The following PRUNE2 variants were observed in gnomAD, a reference collection of about 807,000 sequenced individuals.
The protein encoded by PRUNE2 is protein prune homolog 2.
A neutral mutation model predicts 252.0 loss-of-function variants in PRUNE2; 164 were observed. The ratio of observed to expected loss-of-function variants is 0.65; its 90% CI spans 0.57 to 0.74. The LOEUF is 0.74. Ranked by LOEUF, PRUNE2 falls within the 30% of genes least tolerant of loss-of-function variation. The pLI is 0.00. For missense variants in PRUNE2, 3,495 were observed against 3,711.0 expected (o/e 0.94, Z 1.51); for synonymous variants, 1,292 against 1,350.2 (o/e 0.96, Z 0.94).
chr9:76,630,880 G>A (rs2132383956), intron 15 of PRUNE2, among the ~76,000 whole-genome samples: 1 of 152,246 alleles, frequency 6.6e-6, no homozygotes, highest in Middle Eastern at 3.4e-3. Flanking sequence ...TATATCCAAG[G>A]GTCTAACATT....
At chr9:76,649,193 C>T (rs1404081581) in intron 11 of PRUNE2, among the ~76,000 whole-genome samples, 2 of 152,174 alleles carry the variant, frequency 1.3e-5, no homozygotes, top group African/African-American at 4.8e-5. Flanking sequence ...GGAATACAGA[C>T]ATGCTTCATG....
chr9:76,807,780 G>A (rs965297814), intron 6 of PRUNE2, among the ~76,000 whole-genome samples: 1 of 152,156 alleles, frequency 6.6e-6, no homozygotes, highest in South Asian at 2.1e-4. Context: ...TTACAATTAG[G>A]GAGAATTAAC....
In PRUNE2 at chr9:76,710,443, T is replaced by C. The variant is rs1194106800; in HGVS notation, c.1831A>G (p.Thr611Ala). 6.2e-7 allele frequency: 1 copy of C among 1,613,852 alleles called. No individual in the cohort carries two copies. Among genetic ancestry groups the C allele is most frequent in the Admixed American group, 1.7e-5 (1 of 59,992 alleles). Residue 611 changes from threonine (T) to alanine (A), a missense_variant, in exon 8 of 19, where the codon ACA becomes GCA. Transcript: ENST00000376718. ...CTTTCTACTAAACTATTCATGGGTG[T>C]TGGTGGGATCCTCTTTCCAGTATTT... Reference protein sequence around the residue: ...LKNTGKRIPPTPMNSLVESSP... With the variant: ...LKNTGKRIPPAPMNSLVESSP...
intron 9 of PRUNE2, among the ~76,000 whole-genome samples, chr9:76,685,112 G>A (rs1446633021): frequency 6.6e-6 from 1 of 152,200 alleles, no homozygotes; most frequent in African/African-American, 2.4e-5. Flanking sequence ...TTAAGACTCA[G>A]CTTCCTTATC....
At chr9:76,619,775 C>T (rs1216213330) in intron 17 of PRUNE2, among the ~76,000 whole-genome samples, 2 of 152,174 alleles carry the variant, frequency 1.3e-5, no homozygotes, top group Non-Finnish European at 2.9e-5. Flanking sequence ...CCCATGAACA[C>T]AGTTAATTTT....
chr9:76,669,346 T>C (rs1415344499), intron 9 of PRUNE2, among the ~76,000 whole-genome samples: 1 of 151,964 alleles, frequency 6.6e-6, no homozygotes, highest in African/African-American at 2.4e-5. Flanking sequence ...TGAGATGAAG[T>C]TTCACTCTTG....
chr9:76,769,754 T>C (rs963888484), intron 6 of PRUNE2, among the ~76,000 whole-genome samples: 3 of 152,178 alleles, frequency 2.0e-5, no homozygotes, highest in African/African-American at 7.2e-5. Flanking sequence ...TGTATTTCTG[T>C]AGGAGAGCTT....
At chr9:76,677,061 T>C (rs925573451) in intron 9 of PRUNE2, among the ~76,000 whole-genome samples, 2 of 152,258 alleles carry the variant, frequency 1.3e-5, no homozygotes, top group African/African-American at 2.4e-5. Flanking sequence ...GCAGTTGCTG[T>C]ATATAGCTTG....
At chr9:76,644,187 G>A (rs1212155130) in intron 12 of PRUNE2, among the ~76,000 whole-genome samples, 1 of 152,136 alleles carries the variant, frequency 6.6e-6, no homozygotes, top group Admixed American at 6.5e-5. Flanking sequence ...CACCAAACAG[G>A]TGGAGGCTTT....
intron 1 of PRUNE2, among the ~76,000 whole-genome samples, chr9:76,871,407 A>G (rs2061189621): frequency 6.6e-6 from 1 of 152,190 alleles, no homozygotes; most frequent in Admixed American, 6.5e-5. Flanking sequence ...CAAGGACTTG[A>G]GCATCCACAG....
chr9:76,756,110 T>C (rs570325395), intron 6 of PRUNE2, among the ~76,000 whole-genome samples: 1 of 152,300 alleles, frequency 6.6e-6, no homozygotes, highest in African/African-American at 2.4e-5. Flanking sequence ...TGAAAGTAGA[T>C]GAAAAATATT....
rs28688470 is a variant in PRUNE2 at position 76,776,893 on chromosome 9, T to C, written c.756+46739A>G. Reference sequence around the variant, plus strand: ...GTTTCTTTCTCATTACCAAAACACATACACACACACACACACACACACACA... The same window carrying C: ...GTTTCTTTCTCATTACCAAAACACACACACACACACACACACACACACACA... On this transcript the variant is annotated intron_variant, in intron 6 of 18. Coordinates refer to ENST00000376718, the MANE Select transcript of PRUNE2 (RefSeq NM_015225.3). 6.8e-3 allele frequency among the ~76,000 whole-genome samples: 783 copies of C among 115,594 alleles called. 13 individuals carry two copies. The highest frequency in any genetic ancestry group is 0.018 in the African/African-American group (519 of 28,722). The allele number at this position is 115,594 out of a possible 152,430, so 75.8% of individuals were successfully genotyped here.
chr9:76,822,829 AT>A (rs1365434073), intron 6 of PRUNE2, among the ~76,000 whole-genome samples: 1 of 152,058 alleles, frequency 6.6e-6, no homozygotes, highest in Non-Finnish European at 1.5e-5. Context: ...AAAAAAAAGA[AT>A]GGCAACACAC....
chr9:76,861,881 T>C (rs1387282985), intron 1 of PRUNE2, among the ~76,000 whole-genome samples: 1 of 151,742 alleles, frequency 6.6e-6, no homozygotes, highest in Non-Finnish European at 1.5e-5. Flanking sequence ...TTTTCTTCCA[T>C]CACAAAAAGT....
intron 6 of PRUNE2, among the ~76,000 whole-genome samples, chr9:76,770,942 A>G (rs1353023698): frequency 6.6e-6 from 1 of 152,186 alleles, no homozygotes; most frequent in Non-Finnish European, 1.5e-5. Context: ...AAAAAGAAGA[A>G]TTAGTAATTG....
intron 1 of PRUNE2, among the ~76,000 whole-genome samples, chr9:76,901,407 A>C (rs775347420): frequency 6.6e-6 from 1 of 152,190 alleles, no homozygotes; most frequent in African/African-American, 2.4e-5. Flanking sequence ...TGATCAGAAT[A>C]AGCTCAGCTC....
chr9:76,631,859 A>G (rs1250027661), intron 15 of PRUNE2, among the ~76,000 whole-genome samples: 1 of 152,180 alleles, frequency 6.6e-6, no homozygotes, highest in Non-Finnish European at 1.5e-5. Context: ...TGTCTGGAGT[A>G]TACTCAATGT....
intron 9 of PRUNE2, among the ~76,000 whole-genome samples, chr9:76,682,625 T>C (rs2043594357): frequency 6.6e-6 from 1 of 152,148 alleles, no homozygotes; most frequent in South Asian, 2.1e-4. Flanking sequence ...TGCTTTAGCC[T>C]CCCAAAGTGC....
At chr9:76,831,053 C>G (rs2058644668) in intron 4 of PRUNE2, among the ~76,000 whole-genome samples, 1 of 151,882 alleles carries the variant, frequency 6.6e-6, no homozygotes, top group Non-Finnish European at 1.5e-5. Context: ...CCTCAGTCTC[C>G]CAAGTAGCTG....
Sources: allele counts gnomAD v4.1 joint callset (sites outside exome capture counted in the v4.1 genomes callset), GRCh38; gene constraint gnomAD v4.1.1; transcripts MANE v1.5; gene names NCBI Gene and HGNC (gene_info 2026-07-23, HGNC 2026-07-21).